The following RNF40 variants were observed in gnomAD, a reference collection of about 807,000 sequenced individuals.
RNF40 encodes ring finger protein 40.
In RNF40, 39 loss-of-function variants were observed where a neutral mutation model predicts 123.3. The ratio of observed to expected loss-of-function variants is 0.32; its 90% CI spans 0.24 to 0.41. The LOEUF (loss-of-function observed/expected upper bound fraction) is 0.41. RNF40 is among the 10% of genes least tolerant of loss of function. The pLI, the probability that RNF40 is intolerant of heterozygous loss-of-function variation, is 1.00. For synonymous variants in RNF40, 538 were observed against 526.0 expected (o/e 1.02, Z -0.31); for missense variants, 1,003 against 1,319.9 (o/e 0.76, Z 3.72).
At chr16:30,762,284 G>A (rs3812999), upstream of RNF40, 13 of 453,536 alleles carry the variant, frequency 2.9e-5, no homozygotes, top group East Asian at 4.5e-4. Flanking sequence ...CGTTGGGGGG[G>A]GGGCAGTGGC....
intron 2 of RNF40, 62 bp from the exon 3 acceptor site, chr16:30,763,056 T>G (rs565038181): frequency 6.3e-7 from 1 of 1,586,392 alleles, no homozygotes; most frequent in African/African-American, 1.3e-5. Flanking sequence ...TCTTTCTCTC[T>G]CTGTGATTGG....
rs2151331273 is a variant in RNF40, at chr16:30,768,578, AG to A, written c.1980-40del. The A allele has an allele frequency of 1.2e-6, 2 of 1,614,120 alleles. No homozygotes were observed. The highest frequency in any genetic ancestry group is 1.3e-5 in the African/African-American group (1 of 75,076). On this transcript the variant is annotated intron_variant, in intron 13 of 19. Coordinates refer to ENST00000324685, the MANE Select transcript of RNF40 (RefSeq NM_014771.4). This position sits in a 1 kb window ranked among gnomAD's most constrained non-coding sequence, Gnocchi z 4.1. ...TTCCTGACCCTGCCAGGTGGCCTCC[AG>A]TCCCACTCACTAAGACTTCCTCCTG... is the stretch of plus-strand genomic sequence containing the variant.
chr16:30,764,782 T>C (rs2053996963), intron 5 of RNF40, among the ~76,000 whole-genome samples, 156 bp from the exon 6 acceptor site: 1 of 152,224 alleles, frequency 6.6e-6, no homozygotes, highest in Admixed American at 6.5e-5. Context: ...GCTGGTTTCC[T>C]TCTCTGTGCA....
chr16:30,769,569 G>T lies in RNF40; in HGVS notation c.2555G>T (p.Arg852Leu), dbSNP rs777382766. The T allele has an allele frequency of 1.9e-6, 3 of 1,604,212 alleles. No individual in the cohort carries two copies. Among genetic ancestry groups the T allele is most frequent in the East Asian group, 2.2e-5 (1 of 44,496 alleles). ...LGGVEKELTL[R>L]SQALELNKRK... ...GGTGTGGAGAAGGAGCTGACGCTGCGCAGCCAAGCCCTGGAGCTCAACAAG... is the reference window on the plus strand; with the variant it reads ...GGTGTGGAGAAGGAGCTGACGCTGCTCAGCCAAGCCCTGGAGCTCAACAAG... Residue 852 changes from arginine (R) to leucine (L), a missense_variant, in exon 17 of 20, where the codon CGC (arginine) becomes CTC (leucine). By Grantham distance (102) the Arg-to-Leu change is moderately radical (BLOSUM62 -2). Around this residue, in one of 11 missense-constraint regions of RNF40, gnomAD observed 121 missense variants for 125.3 expected, o/e 0.97. Transcript: ENST00000324685.
intron 15 of RNF40, 22 bp downstream of exon 15, chr16:30,769,009 C>T (rs982180637): frequency 9.3e-6 from 15 of 1,613,510 alleles, no homozygotes; most frequent in Admixed American, 1.7e-5. Flanking sequence ...GTGGTGCCCT[C>T]GCGTCGGAGC....
chr16:30,766,420 G>A lies in RNF40; in HGVS notation c.1155G>A (p.Thr385=), dbSNP rs368897397. ...RSLPEEVVRE[T]GEYRMLQAQF... is the part of the protein sequence containing the mutation. ...TTCCTGAGGAGGTAGTGCGGGAGAC[G>A]GGGGAGTACCGCATGCTGCAGGCCC... The change falls in exon 10 of 20, where the codon ACG becomes ACA. Residue 385 remains threonine (T), a synonymous_variant. Coordinates refer to ENST00000324685, the MANE Select transcript of RNF40 (RefSeq NM_014771.4). The surrounding 1 kb of genome is among the most constrained non-coding windows in gnomAD (Gnocchi z 5.4). 5.1e-5 allele frequency: 82 copies of A among 1,613,780 alleles called. No individual in the cohort carries two copies. The African/African-American group carries it at 9.9e-4, about 19-fold the overall frequency.
At chr16:30,763,016 A>G (rs1301689872) in intron 2 of RNF40, 102 bp from the exon 3 acceptor site, 2 of 1,285,932 alleles carry the variant, frequency 1.6e-6, no homozygotes, top group Non-Finnish European at 2.2e-6. Flanking sequence ...GAATACCTCC[A>G]TCTCCCATGC....
In RNF40 at chr16:30,765,488, A is replaced by G; in HGVS notation, c.982A>G (p.Ser328Gly). 4 of 1,613,990 alleles carry G rather than the reference A, an allele frequency of 2.5e-6. No homozygotes were observed. The highest frequency in any genetic ancestry group is 3.4e-6 in the Non-Finnish European group (4 of 1,179,924). The change falls in exon 8 of 20, where the codon AGC (serine) becomes GGC (glycine). Residue 328 changes from serine to glycine, a missense_variant. Around this residue, in one of 11 missense-constraint regions of RNF40, gnomAD observed 274 missense variants for 356.9 expected, o/e 0.77. Coordinates refer to ENST00000324685, the MANE Select transcript of RNF40 (RefSeq NM_014771.4). ...SGFQGGQITL[S>G]MQKFEMLNAE... is the part of the protein sequence containing the mutation. ...CTTCCAGGGGGGCCAGATCACACTCAGCATGCAGAAGGTGAGCGGCGTTTT... is the reference window on the plus strand; with the variant it reads ...CTTCCAGGGGGGCCAGATCACACTCGGCATGCAGAAGGTGAGCGGCGTTTT...
chr16:30,762,682 G>C lies in RNF40; in HGVS notation c.132+5G>C, dbSNP rs748763846. 1 of 1,612,356 alleles carries C rather than the reference G, an allele frequency of 6.2e-7. No individual in the cohort carries two copies. The highest frequency in any genetic ancestry group is 8.5e-7 in the Non-Finnish European group (1 of 1,179,620). ...CTTGGAGGCATCTCTTCCACGGTTC[G>C]TGGGCTCTTGCCTTAACCCTCAGAA... On this transcript the variant is annotated splice_donor_5th_base_variant and intron_variant, in intron 2 of 19. Transcript: ENST00000324685.
chr16:30,772,264 G>A, intron 19 of RNF40, 74 bp downstream of exon 19: 1 of 1,228,396 alleles, frequency 8.1e-7, no homozygotes, highest in South Asian at 1.3e-5. Context: ...CTAGTGGAGA[G>A]TCTGGGGACC....
At chr16:30,767,692 T>C (rs1158153262) in intron 11 of RNF40, 5 of 556,704 alleles carry the variant, frequency 9.0e-6, no homozygotes, top group Non-Finnish European at 1.6e-5. Context: ...AAAAATCGTA[T>C]GAATAGGCAG....
chr16:30,775,252 CAG>C lies in RNF40; in HGVS notation c.*1139_*1140del. 2.9e-6 allele frequency: 1 copy of C among 340,238 alleles called. No homozygotes were observed. The highest frequency in any genetic ancestry group is 5.8e-6 in the Non-Finnish European group (1 of 173,220). 21.1% of individuals were successfully genotyped at this position (340,238 alleles called of 1,614,324 possible). On this transcript the variant is annotated 3_prime_UTR_variant, in exon 20 of 20. Transcript: ENST00000324685. ...CCCGATTTTAGCTGCAGCAGCTGAG[CAG>C]CACTTTGCTGGCTTGGTGTGAGCCT...
At position 30,768,539 on chromosome 16, in the gene RNF40, C is replaced by G. The variant is rs1465131224; in HGVS notation, c.1979+9C>G. 1.2e-6 allele frequency: 2 copies of G among 1,612,818 alleles called. No homozygotes were observed. The highest frequency in any genetic ancestry group is 2.2e-5 in the East Asian group (1 of 44,856). On this transcript the variant is annotated intron_variant, in intron 13 of 19. Coordinates refer to ENST00000324685, the MANE Select transcript of RNF40 (RefSeq NM_014771.4). This position sits in a 1 kb window ranked among gnomAD's most constrained non-coding sequence, Gnocchi z 4.1. ...CTCCGAGCAGAGCTCAAGTGAGGCT[C>G]TGTTCCTGTCTCCTTCCTGACCCTG...
chr16:30,774,025 C>T lies in RNF40; in HGVS notation c.2917C>T (p.Arg973Trp), dbSNP rs1213192029. 6.2e-7 allele frequency: 1 copy of T among 1,614,078 alleles called. No individual in the cohort carries two copies. The highest frequency in any genetic ancestry group is 8.5e-7 in the Non-Finnish European group (1 of 1,179,922). The change falls in exon 20 of 20, where the codon CGG becomes TGG. Residue 973 changes from arginine (R) to tryptophan (W), a missense_variant. Physicochemically the swap from Arg to Trp is moderately radical, Grantham distance 101 (BLOSUM62 -3). Transcript: ENST00000324685. ...CCACGTTTTCTGCTTCGAGTGCGTG[C>T]GGGGCCGCTATGAGGCCCGCCAGAG... ...CFHVFCFECV[R>W]GRYEARQRKC...
rs775457690 is a variant in RNF40 at position 30,771,918 on chromosome 16, T to A, written c.2672T>A (p.Leu891Gln). The A allele has an allele frequency of 5.0e-6, 8 of 1,609,106 alleles. No homozygotes were observed. Among genetic ancestry groups the A allele is most frequent in the African/African-American group, 4.0e-5 (3 of 74,852 alleles). The change falls in exon 18 of 20, where the codon CTG becomes CAG. Residue 891 changes from leucine (L) to glutamine (Q), a missense_variant. Physicochemically the swap from Leu to Gln is moderately radical, Grantham distance 113. This residue lies in a region of RNF40 where 121 missense variants were observed against 125.3 expected (regional missense o/e 0.97). Coordinates refer to ENST00000324685, the MANE Select transcript of RNF40 (RefSeq NM_014771.4). ...QTRLREIQPC[L>Q]AESRAAREKE... Reference sequence around the variant, plus strand: ...CGGCTGCGGGAGATCCAGCCCTGCCTGGCAGAGAGCCGGGCTGCTCGTGAG... The same window carrying A: ...CGGCTGCGGGAGATCCAGCCCTGCCAGGCAGAGAGCCGGGCTGCTCGTGAG...
chr16:30,765,400 TTG>T, intron 7 of RNF40, 23 bp from the exon 8 acceptor site: 6 of 1,614,108 alleles, frequency 3.7e-6, no homozygotes, highest in Non-Finnish European at 4.2e-6. Context: ...TCTACATCCA[TTG>T]CCTGTCTGTT....
chr16:30,774,223 C>A lies in RNF40; in HGVS notation c.*109C>A. 2.5e-6 allele frequency: 3 copies of A among 1,190,090 alleles called. No individual in the cohort carries two copies. Among genetic ancestry groups the A allele is most frequent in the Non-Finnish European group, 3.5e-6 (3 of 859,362 alleles). 73.7% of individuals were successfully genotyped at this position (1,190,090 alleles called of 1,614,324 possible). A position where few individuals can be genotyped will look rare whatever the true frequency, so the allele number is the denominator to read the frequency against. The stretch of plus-strand genomic sequence containing the variant: ...CACCCTCCATTCCGGACCCCATGGG[C>A]CCAGCCCCTGCCCATCTAGTTGGTT... On this transcript the variant is annotated 3_prime_UTR_variant, in exon 20 of 20. Coordinates refer to ENST00000324685, the MANE Select transcript of RNF40 (RefSeq NM_014771.4).
chr16:30,774,477 C>A lies in RNF40; in HGVS notation c.*363C>A. The A allele has an allele frequency of 8.3e-6, 2 of 239,634 alleles. No homozygotes were observed. Among genetic ancestry groups the A allele is most frequent in the East Asian group, 9.8e-5 (1 of 10,204 alleles). 14.8% of individuals were successfully genotyped at this position (239,634 alleles called of 1,614,324 possible). On this transcript the variant is annotated 3_prime_UTR_variant, in exon 20 of 20. Coordinates refer to ENST00000324685, the MANE Select transcript of RNF40 (RefSeq NM_014771.4). Reference sequence around the variant, plus strand: ...GAAAATTCCCCAGGCTGTGATCTACCCTAGAGAAGGCTCGCTCCCTGCCTA... The same window carrying A: ...GAAAATTCCCCAGGCTGTGATCTACACTAGAGAAGGCTCGCTCCCTGCCTA...
At chr16:30,762,422 T>C (rs1226632084) in intron 1 of RNF40, 53 bp from the exon 2 acceptor site, 1 of 1,066,376 alleles carries the variant, frequency 9.4e-7, no homozygotes, top group Non-Finnish European at 1.3e-6. Context: ...GGAGGGTGTT[T>C]GGGGCTGTGG....
Sources: gnomAD v4.1 joint callset for allele counts (sites outside exome capture counted in the v4.1 genomes callset) on GRCh38, gnomAD v4.1.1 for gene constraint, gnomAD v4.1.1 regional missense constraint, Gnocchi (gnomAD v3.1) non-coding constraint, MANE v1.5 for transcripts, NCBI Gene and HGNC (gene_info 2026-07-23, HGNC 2026-07-21) for gene names.